The following PAPPA2 variants were observed in gnomAD, a reference collection of about 807,000 sequenced individuals.
PAPPA2 encodes the protein pappalysin-2.
In PAPPA2, 86 loss-of-function variants were observed where a neutral mutation model predicts 176.4. That is an observed-to-expected ratio of 0.49 (90% CI 0.41 to 0.58). The LOEUF is 0.58. Ranked by LOEUF, PAPPA2 falls within the 20% of genes least tolerant of loss-of-function variation. PAPPA2 has a pLI of 0.00. For synonymous variants in PAPPA2, 809 were observed against 852.2 expected, an observed-to-expected ratio of 0.95 and a Z score of 0.88; for missense variants, 2,073 against 2,256.9, an observed-to-expected ratio of 0.92 and a Z score of 1.65.
At chr1:176,806,628 T>C (rs1315692161) in intron 21 of PAPPA2, among the ~76,000 whole-genome samples, 2 of 152,220 alleles carry the variant, frequency 1.3e-5, no homozygotes, top group Non-Finnish European at 2.9e-5. Context: ...GTCAGTTAAC[T>C]TTTCTGAATT....
rs1661076886 is a variant in PAPPA2, at chr1:176,710,105, CG to C, written c.3583del (p.Ala1195LeufsTer16). On this transcript the variant is annotated frameshift_variant, in exon 11 of 23. Coordinates refer to ENST00000367662, the MANE Select transcript of PAPPA2 (RefSeq NM_020318.3). LOFTEE classifies it high-confidence loss of function. ...PKGYLDQWAT[R>X]AYSSHEDKKK... is the part of the protein sequence containing the mutation. ...AGGATACTTGGATCAATGGGCTACC[CG>C]GGCTTACTCCTCTCATGAAGACAAG... is the stretch of plus-strand genomic sequence containing the variant. The C allele has an allele frequency of 6.2e-7, 1 of 1,613,836 alleles. No individual in the cohort carries two copies. The highest frequency in any genetic ancestry group is 8.5e-7 in the Non-Finnish European group (1 of 1,179,822).
intron 14 of PAPPA2, among the ~76,000 whole-genome samples, chr1:176,761,043 G>A (rs1663675475): frequency 6.6e-6 from 1 of 151,934 alleles, no homozygotes; most frequent in African/African-American, 2.4e-5. Flanking sequence ...GGATGATCTC[G>A]ATCTCCTGAC....
intron 21 of PAPPA2, among the ~76,000 whole-genome samples, chr1:176,829,756 C>T (rs367996290): frequency 2.0e-5 from 3 of 152,148 alleles, no homozygotes; most frequent in South Asian, 2.1e-4. Flanking sequence ...GAGCATGTAC[C>T]GCCTCATGTT....
At chr1:176,610,349 G>A (rs1013623322) in intron 3 of PAPPA2, among the ~76,000 whole-genome samples, 1 of 150,764 alleles carries the variant, frequency 6.6e-6, no homozygotes, top group Non-Finnish European at 1.5e-5. Context: ...GTGTGTGGGG[G>A]GGGGGAGTAG....
At chr1:176,577,805 C>A (rs1047412753) in intron 2 of PAPPA2, among the ~76,000 whole-genome samples, 7 of 152,050 alleles carry the variant, frequency 4.6e-5, no homozygotes, top group African/African-American at 1.7e-4. Flanking sequence ...GACCTTGCCT[C>A]GTAGCTTGTT....
At chr1:176,600,715 C>A (rs1229238318) in intron 3 of PAPPA2, among the ~76,000 whole-genome samples, 1 of 151,118 alleles carries the variant, frequency 6.6e-6, no homozygotes, top group Admixed American at 6.6e-5. Flanking sequence ...AGCTCAAGCT[C>A]ACAATTCCAT....
At chr1:176,837,637 T>C (rs1667326042) in intron 21 of PAPPA2, among the ~76,000 whole-genome samples, 2 of 152,194 alleles carry the variant, frequency 1.3e-5, no homozygotes, top group African/African-American at 4.8e-5. Context: ...TGTTACAGAA[T>C]AAGCAAGGTA....
chr1:176,740,013 T>C lies in PAPPA2; in HGVS notation c.3968T>C (p.Leu1323Pro). The change falls in exon 14 of 23, where the codon CTG becomes CCG. Residue 1323 changes from leucine to proline, a missense_variant. Transcript: ENST00000367662. Reference sequence around the variant, plus strand: ...GGACTGTCATGCCAGCATAATCCACTGATTATCAATGTGACCCATCACCAG... The same window carrying C: ...GGACTGTCATGCCAGCATAATCCACCGATTATCAATGTGACCCATCACCAG... Reference protein sequence around the residue: ...TYGLSCQHNPLIINVTHHQNV... With the variant: ...TYGLSCQHNPPIINVTHHQNV... 1 of 1,613,944 alleles carries C rather than the reference T, an allele frequency of 6.2e-7. No homozygotes were observed. Among genetic ancestry groups the C allele is most frequent in the Non-Finnish European group, 8.5e-7 (1 of 1,179,850 alleles).
chr1:176,547,426 T>C (rs1453169909), intron 1 of PAPPA2, among the ~76,000 whole-genome samples: 1 of 152,224 alleles, frequency 6.6e-6, no homozygotes, highest in Non-Finnish European at 1.5e-5. Flanking sequence ...TAATCATGTC[T>C]ATTGCTATGT....
chr1:176,764,885 C>T (rs1172640014), intron 14 of PAPPA2, among the ~76,000 whole-genome samples: 2 of 152,128 alleles, frequency 1.3e-5, no homozygotes, highest in Non-Finnish European at 2.9e-5. Context: ...CGTGAGCCAC[C>T]GCATCCGGCC....
intron 19 of PAPPA2, among the ~76,000 whole-genome samples, chr1:176,792,596 A>G (rs1557874865): frequency 6.6e-6 from 1 of 152,196 alleles, no homozygotes; most frequent in Non-Finnish European, 1.5e-5. Context: ...TGATTGTTTT[A>G]AAAGTCACTG....
intron 1 of PAPPA2, among the ~76,000 whole-genome samples, chr1:176,472,316 A>G (rs570958084): frequency 3.3e-5 from 5 of 152,270 alleles, no homozygotes; most frequent in South Asian, 2.1e-4. Context: ...TATTCAACAT[A>G]TTTGGTGGGT....
In PAPPA2 at chr1:176,474,813, A is replaced by G. The variant is rs1416450874; in HGVS notation, c.-917+11395A>G. Among the ~76,000 whole-genome samples, 3 of 152,332 alleles carry G rather than the reference A, an allele frequency of 2.0e-5. No homozygotes were observed. The East Asian group carries it at 5.8e-4, about 29-fold the overall frequency. On this transcript the variant is annotated intron_variant, in intron 1 of 22. Transcript: ENST00000367662. Reference sequence around the variant, plus strand: ...CCTGAATTGTGAATGAAGAAGCCATAGGAACTATTTGGTGACTTGTCATGG... The same window carrying G: ...CCTGAATTGTGAATGAAGAAGCCATGGGAACTATTTGGTGACTTGTCATGG...
At chr1:176,744,104 C>T (rs1430152973) in intron 14 of PAPPA2, among the ~76,000 whole-genome samples, 3 of 152,056 alleles carry the variant, frequency 2.0e-5, no homozygotes, top group Non-Finnish European at 2.9e-5. Flanking sequence ...GTATTCCAAA[C>T]AGTTTTTGAT....
chr1:176,487,124 AC>A (rs967189275), intron 1 of PAPPA2, among the ~76,000 whole-genome samples: 1 of 152,178 alleles, frequency 6.6e-6, no homozygotes, highest in African/African-American at 2.4e-5. Context: ...CTATTTAAAA[AC>A]GTATCTTATA....
chr1:176,770,587 A>G (rs1664179482), intron 16 of PAPPA2, among the ~76,000 whole-genome samples: 1 of 152,240 alleles, frequency 6.6e-6, no homozygotes, highest in Non-Finnish European at 1.5e-5. Context: ...AATGCTTAGA[A>G]TAGTGCCTGC....
At chr1:176,605,828 G>C (rs190313886) in intron 3 of PAPPA2, among the ~76,000 whole-genome samples, 1 of 152,110 alleles carries the variant, frequency 6.6e-6, no homozygotes, top group African/African-American at 2.4e-5. Flanking sequence ...AACCCTACTC[G>C]GAGTAGAATG....
chr1:176,513,235 CCTAA>C (rs1360305005), intron 1 of PAPPA2, among the ~76,000 whole-genome samples: 1 of 152,002 alleles, frequency 6.6e-6, no homozygotes, highest in Non-Finnish European at 1.5e-5. Context: ...TCTGGAGAAC[CCTAA>C]CTAATACAGA....
chr1:176,670,163 T>C (rs1658905574), intron 3 of PAPPA2, among the ~76,000 whole-genome samples: 1 of 152,222 alleles, frequency 6.6e-6, no homozygotes, highest in Admixed American at 6.5e-5. Flanking sequence ...TCACTGATGC[T>C]GAGAAGCTAA....
Sources: gnomAD v4.1 joint callset for allele counts (sites outside exome capture counted in the v4.1 genomes callset) on GRCh38, gnomAD v4.1.1 for gene constraint, MANE v1.5 for transcripts, NCBI Gene and HGNC (gene_info 2026-07-23, HGNC 2026-07-21) for gene names.